PTPRT: variants seen among roughly 807,000 people sequenced by gnomAD.
PTPRT encodes protein tyrosine phosphatase receptor type T, also known as receptor-type tyrosine-protein phosphatase T.
In PTPRT, 56 loss-of-function variants were observed where a neutral mutation model predicts 176.8. The observed-to-expected ratio is 0.32, with a 90% CI of 0.26 to 0.40. The LOEUF (loss-of-function observed/expected upper bound fraction) is 0.40, where lower values mean the gene tolerates loss of function less well. PTPRT is among the 10% of genes least tolerant of loss of function. PTPRT has a pLI of 1.00. For missense variants in PTPRT, 1,540 were observed against 1,908.2 expected (o/e 0.81, Z 3.60); for synonymous variants, 783 against 739.0 (o/e 1.06, Z -0.96).
At chr20:42,040,835 G>A in the PTPRT span, among the ~76,000 whole-genome samples, 1 of 152,176 alleles carries the variant, frequency 6.6e-6, no homozygotes, top group African/African-American at 2.4e-5. Context: ...CACATCATGT[G>A]CCTTCAGGGG....
intron 13 of PTPRT, among the ~76,000 whole-genome samples, chr20:42,282,260 C>T (rs2057152160): frequency 6.6e-6 from 1 of 152,144 alleles, no homozygotes; most frequent in Admixed American, 6.6e-5. Flanking sequence ...ACCATTCATC[C>T]ACCCATCCAT....
intron 1 of PTPRT, among the ~76,000 whole-genome samples, chr20:43,125,136 C>G (rs908070376): frequency 6.6e-6 from 1 of 150,590 alleles, no homozygotes; most frequent in African/African-American, 2.4e-5. Context: ...GCTGGGATTA[C>G]AGGCATGTGC....
chr20:42,553,636 C>G (rs1259784713), intron 7 of PTPRT, among the ~76,000 whole-genome samples: 1 of 152,120 alleles, frequency 6.6e-6, no homozygotes, highest in Non-Finnish European at 1.5e-5. Flanking sequence ...CTCCCCCACA[C>G]TTTCACTTTC....
intron 6 of PTPRT, among the ~76,000 whole-genome samples, chr20:42,691,873 G>A (rs6072829): frequency 0.17 from 25,226 of 152,154 alleles, 2,393 homozygotes; most frequent in East Asian, 0.23. Context: ...GCCTCTAGGT[G>A]CTTCTGTAGA....
chr20:42,402,191 T>C (rs1255545182), intron 9 of PTPRT, among the ~76,000 whole-genome samples: 6 of 152,150 alleles, frequency 3.9e-5, no homozygotes. Flanking sequence ...AGCCAGCCAC[T>C]GCCTCAGTTT....
intron 1 of PTPRT, among the ~76,000 whole-genome samples, chr20:43,104,643 T>C (rs1479120174): frequency 6.6e-6 from 1 of 152,238 alleles, no homozygotes; most frequent in Non-Finnish European, 1.5e-5. Flanking sequence ...GCTCCTGTCA[T>C]TGACATTGGG....
At chr20:42,928,190 C>A (rs565741911) in intron 1 of PTPRT, among the ~76,000 whole-genome samples, 8 of 152,344 alleles carry the variant, frequency 5.3e-5, no homozygotes, top group African/African-American at 1.7e-4. Context: ...TTCCCTGCCC[C>A]AAATTTAAAC....
At chr20:42,112,238 C>T (rs1194305685) in intron 22 of PTPRT, among the ~76,000 whole-genome samples, 2 of 152,170 alleles carry the variant, frequency 1.3e-5, no homozygotes, top group African/African-American at 4.8e-5. Context: ...TATTGGTGCC[C>T]ACTCAGATCC....
intron 7 of PTPRT, among the ~76,000 whole-genome samples, chr20:42,628,344 A>C (rs552433988): frequency 1.1e-4 from 17 of 152,152 alleles, no homozygotes; most frequent in Non-Finnish European, 2.2e-4. Flanking sequence ...GCTCACCTGT[A>C]TAGCGCTATT....
intron 13 of PTPRT, among the ~76,000 whole-genome samples, chr20:42,265,993 G>C (rs1315659102): frequency 6.6e-6 from 1 of 152,156 alleles, no homozygotes; most frequent in Non-Finnish European, 1.5e-5. Context: ...TAATAAGAGA[G>C]AGTTTTAACA....
At chr20:42,574,790 T>C (rs892943633) in intron 7 of PTPRT, among the ~76,000 whole-genome samples, 10 of 152,156 alleles carry the variant, frequency 6.6e-5, no homozygotes, top group African/African-American at 1.9e-4. Flanking sequence ...TGGAAGGTGA[T>C]TGCATAATGG....
intron 1 of PTPRT, among the ~76,000 whole-genome samples, chr20:43,167,718 T>C (rs1555841952): frequency 6.6e-6 from 1 of 152,162 alleles, no homozygotes; most frequent in Non-Finnish European, 1.5e-5. Context: ...AGCCCACATA[T>C]GTTAGAAAGG....
chr20:43,060,454 C>T (rs1340791200), intron 1 of PTPRT, among the ~76,000 whole-genome samples: 1 of 152,150 alleles, frequency 6.6e-6, no homozygotes, highest in Admixed American at 6.5e-5. Context: ...AAGGCCCCAC[C>T]TCCAAGTAAC....
intron 7 of PTPRT, among the ~76,000 whole-genome samples, chr20:42,607,179 G>A (rs1429248508): frequency 6.6e-6 from 1 of 152,130 alleles, no homozygotes; most frequent in Non-Finnish European, 1.5e-5. Flanking sequence ...TGGCTACCAG[G>A]GGGTGGGAGA....
chr20:42,527,845 G>T (rs986754459), intron 7 of PTPRT, among the ~76,000 whole-genome samples: 1 of 152,208 alleles, frequency 6.6e-6, no homozygotes, highest in Non-Finnish European at 1.5e-5. Context: ...AGTTTAGCTG[G>T]ATGCATTGTG....
chr20:42,681,319 C>G (rs147097782), intron 6 of PTPRT, among the ~76,000 whole-genome samples: 53 of 152,158 alleles, frequency 3.5e-4, no homozygotes, highest in African/African-American at 1.1e-3. Flanking sequence ...GAGCACTGAG[C>G]GCATGAAATT....
chr20:42,443,504 C>A (rs1401259110), intron 9 of PTPRT, among the ~76,000 whole-genome samples: 1 of 152,198 alleles, frequency 6.6e-6, no homozygotes, highest in Non-Finnish European at 1.5e-5. Flanking sequence ...AAGTGCAAAT[C>A]CCCAAAGATC....
chr20:42,360,657 A>G (rs2058420577), intron 9 of PTPRT, among the ~76,000 whole-genome samples: 1 of 152,100 alleles, frequency 6.6e-6, no homozygotes, highest in African/African-American at 2.4e-5. Flanking sequence ...TTGCCTTCCA[A>G]CTTCACACTC....
chr20:42,791,279 A>G lies in PTPRT; in HGVS notation c.402T>C (p.Pro134=), dbSNP rs2145547662. The G allele has an allele frequency of 6.2e-7, 1 of 1,614,150 alleles. No individual in the cohort carries two copies. The highest frequency in any genetic ancestry group is 8.5e-7 in the Non-Finnish European group (1 of 1,179,982). ...VKVNGGPQGN[P]VWNVSGVVTE... is the part of the protein sequence containing the mutation. The stretch of plus-strand genomic sequence containing the variant: ...TGACGACCCCGGACACATTCCACAC[A>G]GGGTTCCCTTGGGGGCCACCATTCA... Residue 134 remains proline (P), a synonymous_variant, in exon 3 of 31, where the codon CCT becomes CCC. Transcript: ENST00000373187.
Sources: allele counts gnomAD v4.1 joint callset (sites outside exome capture counted in the v4.1 genomes callset), GRCh38; gene constraint gnomAD v4.1.1; transcripts MANE v1.5; gene names NCBI Gene and HGNC (gene_info 2026-07-23, HGNC 2026-07-21).